KAZN: variants seen among roughly 807,000 people sequenced by gnomAD.
KAZN encodes the protein kazrin, periplakin interacting protein.
A neutral mutation model predicts 87.4 loss-of-function variants in KAZN; 40 were observed. The ratio of observed to expected loss-of-function variants is 0.46; its 90% confidence interval spans 0.36 to 0.60. The LOEUF is 0.60. Among genes scored for constraint, KAZN ranks in the 20% least tolerant of loss-of-function variants. The pLI is 0.00. For missense variants in KAZN, 898 were observed against 1,073.9 expected, an observed-to-expected ratio of 0.84 and a Z score of 2.29; for synonymous variants, 466 against 458.3, an observed-to-expected ratio of 1.02 and a Z score of -0.22.
At chr1:14,875,500 A>G (rs576248741) in intron 1 of KAZN, among the ~76,000 whole-genome samples, 1 of 151,402 alleles carries the variant, frequency 6.6e-6, no homozygotes, top group Non-Finnish European at 1.5e-5. Context: ...AAAAAAAAGA[A>G]AAAAGAAAAA....
intron 1 of KAZN, among the ~76,000 whole-genome samples, chr1:14,839,406 C>G (rs1473810812): frequency 6.6e-6 from 1 of 152,122 alleles, no homozygotes; most frequent in Admixed American, 6.6e-5. Flanking sequence ...CAGTACCTGG[C>G]ATAAACATTC....
At chr1:14,420,913 T>A (rs181527948) in intron 2 of KAZN, among the ~76,000 whole-genome samples, 1 of 101,800 alleles carries the variant, frequency 9.8e-6, no homozygotes, top group Non-Finnish European at 2.2e-5. Flanking sequence ...ACACCTCCCC[T>A]CCACACCTCC....
rs1440694210 is a variant in KAZN at position 14,773,281 on chromosome 1, T to C, written c.226+174058T>C. The stretch of plus-strand genomic sequence containing the variant: ...GTCATGGGGTGAGCTACAGTGGGAC[T>C]GTGGCACACAGTGGTGGCCTGGCGT... On this transcript the variant is annotated intron_variant, in intron 1 of 14. Transcript: ENST00000376030. This position sits in a 1 kb window ranked among gnomAD's most constrained non-coding sequence, Gnocchi z 5.9. Among the ~76,000 whole-genome samples the C allele has an allele frequency of 1.3e-5, 2 of 152,174 alleles. No individual in the cohort carries two copies. Among genetic ancestry groups the C allele is most frequent in the African/African-American group, 4.8e-5 (2 of 41,458 alleles).
chr1:14,597,673 A>G (rs557865441), upstream of KAZN, among the ~76,000 whole-genome samples: 9 of 152,274 alleles, frequency 5.9e-5, no homozygotes, highest in Non-Finnish European at 1.2e-4. Context: ...GGCTTCTGCA[A>G]TCTGCTCTTT....
At chr1:14,917,513 A>G (rs1375727369) in intron 1 of KAZN, among the ~76,000 whole-genome samples, 1 of 152,206 alleles carries the variant, frequency 6.6e-6, no homozygotes, top group East Asian at 1.9e-4. Context: ...ATGTTTCACT[A>G]GCCCAGTTTT....
At chr1:14,134,596 A>G (rs142935493) in intron 1 of KAZN, among the ~76,000 whole-genome samples, 3 of 152,334 alleles carry the variant, frequency 2.0e-5, no homozygotes, top group Non-Finnish European at 4.4e-5. Flanking sequence ...TATTGGTAGC[A>G]GTAGAAATCT....
At chr1:14,066,459 C>T (rs1366481590) in intron 1 of KAZN, among the ~76,000 whole-genome samples, 2 of 152,182 alleles carry the variant, frequency 1.3e-5, no homozygotes, top group Non-Finnish European at 1.5e-5. Context: ...GTTCTCACTT[C>T]TTGGGGTAGA....
chr1:14,609,714 G>T (rs1194240611), intron 1 of KAZN, among the ~76,000 whole-genome samples: 2 of 152,216 alleles, frequency 1.3e-5, no homozygotes, highest in Non-Finnish European at 2.9e-5. Flanking sequence ...TCTCTTTGCA[G>T]AATCCAAAGA....
At chr1:14,777,874 C>A (rs1645225957) in intron 1 of KAZN, among the ~76,000 whole-genome samples, 1 of 152,118 alleles carries the variant, frequency 6.6e-6, no homozygotes, top group South Asian at 2.1e-4. Context: ...ATTGCCGTGG[C>A]ATTTGTAAAC....
intron 1 of KAZN, among the ~76,000 whole-genome samples, chr1:14,954,026 C>T (rs1217298912): frequency 6.6e-6 from 1 of 152,204 alleles, no homozygotes; most frequent in Admixed American, 6.5e-5. Context: ...TCTGCCCCAG[C>T]TCCCTTTGCC....
At chr1:14,197,325 G>A (rs1417716617) in intron 2 of KAZN, among the ~76,000 whole-genome samples, 1 of 147,140 alleles carries the variant, frequency 6.8e-6, no homozygotes, top group African/African-American at 2.5e-5. Context: ...AGGTTGTCAA[G>A]GTGGAAGGAA....
At chr1:14,389,981 C>T (rs558868807) in intron 2 of KAZN, among the ~76,000 whole-genome samples, 9 of 152,156 alleles carry the variant, frequency 5.9e-5, no homozygotes, top group South Asian at 4.2e-4. Flanking sequence ...CATAAATATA[C>T]ACACCTACTA....
chr1:14,410,088 T>C (rs943329375), intron 2 of KAZN, among the ~76,000 whole-genome samples: 2 of 152,210 alleles, frequency 1.3e-5, no homozygotes, highest in African/African-American at 4.8e-5. Flanking sequence ...GAACAGAATA[T>C]TAATTGGAAA....
At chr1:14,160,546 A>T (rs1164573345) in intron 1 of KAZN, among the ~76,000 whole-genome samples, 3 of 152,186 alleles carry the variant, frequency 2.0e-5, no homozygotes, top group Non-Finnish European at 4.4e-5. Context: ...ATATGAAGTT[A>T]AAGCCAGCTA....
At chr1:14,873,303 G>A (rs186974481) in intron 1 of KAZN, among the ~76,000 whole-genome samples, 56 of 152,328 alleles carry the variant, frequency 3.7e-4, no homozygotes, top group African/African-American at 1.3e-3. Context: ...TATTCTAAAG[G>A]GGAGAGTCAG....
At chr1:14,712,908 C>G (rs1016085793) in intron 1 of KAZN, among the ~76,000 whole-genome samples, 4 of 152,202 alleles carry the variant, frequency 2.6e-5, no homozygotes. Flanking sequence ...GTTTTCCCAG[C>G]CCTCGTGGTG....
At chr1:14,566,256 T>C (rs1332399316) in intron 2 of KAZN, among the ~76,000 whole-genome samples, 1 of 152,230 alleles carries the variant, frequency 6.6e-6, no homozygotes, top group Non-Finnish European at 1.5e-5. Flanking sequence ...AGCTCTTGAA[T>C]AGTTAGGTGC....
At chr1:15,014,016 C>T (rs1391972373) in intron 2 of KAZN, among the ~76,000 whole-genome samples, 1 of 152,086 alleles carries the variant, frequency 6.6e-6, no homozygotes, top group Non-Finnish European at 1.5e-5. Flanking sequence ...AACCCATGGC[C>T]GAGAGCCTCA....
intron 1 of KAZN, among the ~76,000 whole-genome samples, chr1:13,908,667 C>A (rs72639049): frequency 2.0e-3 from 311 of 152,312 alleles, no homozygotes; most frequent in Non-Finnish European, 2.9e-3. Context: ...CTGGGCATTG[C>A]AGAAGAACCC....
Sources: gnomAD v4.1 joint callset for allele counts (sites outside exome capture counted in the v4.1 genomes callset) on GRCh38, gnomAD v4.1.1 for gene constraint, Gnocchi (gnomAD v3.1) non-coding constraint, MANE v1.5 for transcripts, NCBI Gene and HGNC (gene_info 2026-07-23, HGNC 2026-07-21) for gene names.